LRMDA: variants seen among roughly 807,000 people sequenced by gnomAD.
LRMDA encodes leucine-rich melanocyte differentiation-associated protein.
LRMDA carries 18 observed loss-of-function variants against 29.8 expected under a neutral mutation model. The observed-to-expected ratio is 0.60, with a 90% CI of 0.42 to 0.90. The LOEUF (loss-of-function observed/expected upper bound fraction) is 0.90. Among genes scored for constraint, LRMDA ranks in the 40% least tolerant of loss-of-function variants. The pLI is 0.00. For missense variants in LRMDA, 273 were observed against 273.9 expected (o/e 1.00, Z 0.02); for synonymous variants, 125 against 109.4 (o/e 1.14, Z -0.89).
chr10:76,036,891 C>T (rs944441077), intron 3 of LRMDA, among the ~76,000 whole-genome samples: 1 of 152,174 alleles, frequency 6.6e-6, no homozygotes, highest in African/African-American at 2.4e-5. Flanking sequence ...AATGCCAGCT[C>T]GATGGGACAG....
At chr10:75,485,894 T>A (rs1385311324) in intron 2 of LRMDA, among the ~76,000 whole-genome samples, 9 of 152,224 alleles carry the variant, frequency 5.9e-5, no homozygotes, top group African/African-American at 1.9e-4. Context: ...TTATAATTTC[T>A]TATTAATTAT....
chr10:75,586,744 T>C (rs1840661097), intron 2 of LRMDA, among the ~76,000 whole-genome samples: 1 of 152,142 alleles, frequency 6.6e-6, no homozygotes, highest in South Asian at 2.1e-4. Context: ...GCATTTTTTT[T>C]TCATTGGTCA....
At chr10:75,587,357 T>G (rs192649190) in intron 2 of LRMDA, among the ~76,000 whole-genome samples, 2 of 152,224 alleles carry the variant, frequency 1.3e-5, no homozygotes, top group African/African-American at 4.8e-5. Context: ...TTTTGTTTTT[T>G]TTCTGTTTCA....
chr10:75,856,356 G>C (rs2132316623), intron 2 of LRMDA, among the ~76,000 whole-genome samples: 1 of 152,116 alleles, frequency 6.6e-6, no homozygotes, highest in East Asian at 1.9e-4. Flanking sequence ...TCATGATTTG[G>C]TTCTCTGGCA....
At chr10:75,988,785 T>G (rs1160201577) in intron 2 of LRMDA, among the ~76,000 whole-genome samples, 1 of 152,132 alleles carries the variant, frequency 6.6e-6, no homozygotes, top group Non-Finnish European at 1.5e-5. Flanking sequence ...ACCTCTGCCC[T>G]CAAGCCTCCT....
chr10:75,609,445 A>T (rs1841000587), intron 2 of LRMDA, among the ~76,000 whole-genome samples: 1 of 152,140 alleles, frequency 6.6e-6, no homozygotes, highest in Admixed American at 6.5e-5. Flanking sequence ...TGGCCATACC[A>T]TTGTCCATTG....
chr10:76,401,940 G>A (rs1415106788), intron 6 of LRMDA, among the ~76,000 whole-genome samples: 1 of 152,096 alleles, frequency 6.6e-6, no homozygotes, highest in Non-Finnish European at 1.5e-5. Context: ...ATACAGCTGT[G>A]GCAGCAGAGG....
chr10:75,447,392 G>C (rs1286267345), intron 2 of LRMDA, among the ~76,000 whole-genome samples: 2 of 152,042 alleles, frequency 1.3e-5, no homozygotes, highest in Non-Finnish European at 1.5e-5. Flanking sequence ...AGGGCGTGGT[G>C]GTGGGTGCTT....
At chr10:75,638,726 AAAATAT>A (rs1212616605) in intron 2 of LRMDA, among the ~76,000 whole-genome samples, 2 of 152,254 alleles carry the variant, frequency 1.3e-5, no homozygotes, top group African/African-American at 4.8e-5. Context: ...ATATCACTGT[AAAATAT>A]AAATATGTTT....
chr10:76,058,543 C>T (rs930419007), intron 4 of LRMDA, 123 bp from the exon 5 acceptor site: 36 of 779,696 alleles, frequency 4.6e-5, no homozygotes, highest in Admixed American at 2.3e-4. Context: ...AGAGAGGAGG[C>T]GCAGCCAAGG....
At chr10:76,513,291 A>C (rs763491945) in intron 6 of LRMDA, among the ~76,000 whole-genome samples, 32 of 152,188 alleles carry the variant, frequency 2.1e-4, no homozygotes, top group Non-Finnish European at 4.4e-4. Context: ...AAAATACAAA[A>C]GCTAATTGGC....
chr10:75,915,539 C>G (rs1845919304), intron 2 of LRMDA, among the ~76,000 whole-genome samples: 1 of 152,146 alleles, frequency 6.6e-6, no homozygotes, highest in South Asian at 2.1e-4. Context: ...CAAGTCTGGC[C>G]TCGTGTCTAA....
At chr10:76,255,119 T>C (rs530782558) in intron 5 of LRMDA, among the ~76,000 whole-genome samples, 2 of 152,340 alleles carry the variant, frequency 1.3e-5, no homozygotes, top group South Asian at 4.1e-4. Flanking sequence ...CTTTTCTAGT[T>C]TTCTTAATTA....
intron 5 of LRMDA, chr10:76,318,735 C>T (rs1359089012): frequency 6.6e-6 from 1 of 152,302 alleles, no homozygotes; most frequent in Non-Finnish European, 1.5e-5. Context: ...CACCTTCTCT[C>T]TTGCTTTACT....
chr10:76,118,022 A>G (rs1386425768), intron 5 of LRMDA, among the ~76,000 whole-genome samples: 1 of 152,174 alleles, frequency 6.6e-6, no homozygotes, highest in Non-Finnish European at 1.5e-5. Context: ...GCTTTATGGT[A>G]GAGACTTCCT....
intron 2 of LRMDA, among the ~76,000 whole-genome samples, chr10:75,979,552 G>A (rs1047855371): frequency 2.6e-5 from 4 of 152,272 alleles, no homozygotes; most frequent in African/African-American, 9.6e-5. Context: ...ACTTAGTCTA[G>A]GATAGGGTTA....
intron 5 of LRMDA, among the ~76,000 whole-genome samples, chr10:76,245,774 G>A (rs957210016): frequency 6.6e-6 from 1 of 152,182 alleles, no homozygotes; most frequent in African/African-American, 2.4e-5. Flanking sequence ...CTCTGGGCAT[G>A]CATTGTATAC....
intron 2 of LRMDA, among the ~76,000 whole-genome samples, chr10:75,473,941 A>G (rs1478679312): frequency 5.9e-5 from 9 of 152,200 alleles, no homozygotes; most frequent in Non-Finnish European, 1.3e-4. Context: ...CCTATTGAGT[A>G]TCAAGTTTGG....
chr10:76,330,253 A>T (rs899193754), intron 6 of LRMDA, among the ~76,000 whole-genome samples: 1 of 152,228 alleles, frequency 6.6e-6, no homozygotes, highest in South Asian at 2.1e-4. Context: ...TTACTTAATC[A>T]AAGTTTTCTG....
Sources: allele counts gnomAD v4.1 joint callset (sites outside exome capture counted in the v4.1 genomes callset), GRCh38; gene constraint gnomAD v4.1.1; transcripts MANE v1.5; gene names NCBI Gene and HGNC (gene_info 2026-07-23, HGNC 2026-07-21).